DHX57: variants seen among roughly 807,000 people sequenced by gnomAD.
DHX57 encodes the protein DExH-box helicase 57, also known as putative ATP-dependent RNA helicase DHX57.
DHX57 carries 105 observed loss-of-function variants against 156.2 expected under a neutral mutation model. The observed-to-expected ratio is 0.67, with a 90% CI of 0.57 to 0.79. The LOEUF (loss-of-function observed/expected upper bound fraction) is 0.79. DHX57 is among the 30% of genes least tolerant of loss of function. The pLI, the probability that DHX57 is intolerant of heterozygous loss-of-function variation, is 0.00. For missense variants in DHX57, 1,847 were observed against 1,661.9 expected (o/e 1.11, Z -1.94); for synonymous variants, 704 against 595.6 (o/e 1.18, Z -2.65).
chr2:38,864,010 T>TAA (rs1026801519), intron 2 of DHX57, among the ~76,000 whole-genome samples: 4 of 144,062 alleles, frequency 2.8e-5, no homozygotes, highest in Admixed American at 6.9e-5. Flanking sequence ...AGATTCCGTT[T>TAA]AAAAAAAAAA....
chr2:38,803,508 A>G (rs1186566107), intron 22 of DHX57, among the ~76,000 whole-genome samples: 1 of 149,476 alleles, frequency 6.7e-6, no homozygotes, highest in African/African-American at 2.5e-5. Flanking sequence ...TTTTTTTGAG[A>G]CAGAGTTTTG....
intron 1 of DHX57, among the ~76,000 whole-genome samples, chr2:38,871,855 C>G (rs893133267): frequency 7.9e-5 from 12 of 151,926 alleles, no homozygotes; most frequent in African/African-American, 2.7e-4. Context: ...TACAGGTGAC[C>G]GCCGCCGGCT....
intron 5 of DHX57, among the ~76,000 whole-genome samples, chr2:38,860,222 G>A (rs1171554647): frequency 6.6e-6 from 1 of 152,128 alleles, no homozygotes; most frequent in Non-Finnish European, 1.5e-5. Context: ...GGCCAAGGCA[G>A]GCGGATCACC....
At chr2:38,840,574 A>T (rs1289084871) in intron 12 of DHX57, among the ~76,000 whole-genome samples, 1 of 150,270 alleles carries the variant, frequency 6.7e-6, no homozygotes, top group Non-Finnish European at 1.5e-5. Flanking sequence ...TGTTTTTTTT[A>T]AAACAAACAA....
At chr2:38,798,556 A>G (rs1669503646) in intron 23 of DHX57, 114 bp from the exon 24 acceptor site, 2 of 1,248,584 alleles carry the variant, frequency 1.6e-6, no homozygotes, top group South Asian at 3.3e-5. Flanking sequence ...ACTAATTTTA[A>G]CTCCATTAGG....
chr2:38,850,155 T>G (rs921634197), intron 9 of DHX57, among the ~76,000 whole-genome samples: 2 of 152,182 alleles, frequency 1.3e-5, no homozygotes, highest in Admixed American at 6.5e-5. Context: ...AAAACAAAAG[T>G]AACTATTTCT....
intron 13 of DHX57, among the ~76,000 whole-genome samples, chr2:38,830,194 A>T (rs949114296): frequency 1.1e-4 from 17 of 152,250 alleles, no homozygotes; most frequent in Non-Finnish European, 2.5e-4. Flanking sequence ...CCACTAAATA[A>T]ATGAGGAATC....
At chr2:38,802,613 T>C in intron 23 of DHX57, 102 bp downstream of exon 23, 3 of 1,410,000 alleles carry the variant, frequency 2.1e-6, no homozygotes, top group Non-Finnish European at 2.9e-6. Context: ...TAATTAGCTC[T>C]GTTACCTTGG....
intron 10 of DHX57, among the ~76,000 whole-genome samples, 179 bp downstream of exon 10, chr2:38,848,090 A>G (rs1018675571): frequency 6.6e-6 from 1 of 152,134 alleles, no homozygotes; most frequent in African/African-American, 2.4e-5. Flanking sequence ...CTCAAAAAAA[A>G]AAATCTCCCA....
intron 5 of DHX57, 119 bp from the exon 6 acceptor site, chr2:38,858,955 T>C (rs891971687): frequency 2.0e-6 from 2 of 979,842 alleles, no homozygotes; most frequent in African/African-American, 1.7e-5. Flanking sequence ...AGTGAAAACT[T>C]GAATAAAGTA....
intron 6 of DHX57, among the ~76,000 whole-genome samples, chr2:38,857,375 GC>G (rs1672954550): frequency 6.6e-6 from 1 of 152,088 alleles, no homozygotes; most frequent in South Asian, 2.1e-4. Flanking sequence ...TATAAAAATT[GC>G]CTTGTTTGTT....
At chr2:38,859,305 CTATG>C (rs1169425656) in intron 5 of DHX57, among the ~76,000 whole-genome samples, 4 of 152,114 alleles carry the variant, frequency 2.6e-5, no homozygotes, top group Non-Finnish European at 5.9e-5. Context: ...AATTCCATTT[CTATG>C]AAATGTCCAG....
chr2:38,871,387 T>C (rs1280012127), intron 1 of DHX57, among the ~76,000 whole-genome samples: 1 of 152,148 alleles, frequency 6.6e-6, no homozygotes, highest in Non-Finnish European at 1.5e-5. Context: ...GTAATACTTG[T>C]AACAAGTATA....
chr2:38,802,861 G>A lies in DHX57; in HGVS notation c.3871C>T (p.Arg1291Ter), dbSNP rs1196446034. 6.2e-7 allele frequency: 1 copy of A among 1,614,012 alleles called. No homozygotes were observed. The highest frequency in any genetic ancestry group is 8.5e-7 in the Non-Finnish European group (1 of 1,180,014). The change falls in exon 23 of 24, where the codon CGA becomes TGA. Residue 1291 changes from arginine to a stop codon, truncating the protein, a stop_gained. Coordinates refer to ENST00000457308, the MANE Select transcript of DHX57 (RefSeq NM_198963.3). LOFTEE classifies it high-confidence loss of function. Reference sequence around the variant, plus strand: ...ATGCTGCAGTCTCGGATGAATACTCGACTAGTTTTTATCTTCTCGTGGTAC... The same window carrying A: ...ATGCTGCAGTCTCGGATGAATACTCAACTAGTTTTTATCTTCTCGTGGTAC... ...LLYHEKIKTSRVFIRDCSMVS... is the reference protein window; with the variant it reads ...LLYHEKIKTS
chr2:38,862,427 C>A, intron 3 of DHX57, 94 bp from the exon 4 acceptor site: 1 of 1,196,034 alleles, frequency 8.4e-7, no homozygotes, highest in East Asian at 2.7e-5. Context: ...TTCATAGGAT[C>A]CTGACTACTC....
intron 7 of DHX57, 150 bp downstream of exon 7, chr2:38,856,190 G>C (rs922645171): frequency 3.8e-6 from 4 of 1,060,464 alleles, no homozygotes; most frequent in Non-Finnish European, 5.2e-6. Context: ...AAAGTCTTCA[G>C]CTGGATTTTT....
rs138650701 is a variant in DHX57, at chr2:38,862,769, C to T, written c.384-436G>A. On this transcript the variant is annotated intron_variant, in intron 3 of 23. Coordinates refer to ENST00000457308, the MANE Select transcript of DHX57 (RefSeq NM_198963.3). ...TCTTCTCATTCATAAAAACACTATCCCTAATTGTTTGTTTTGCTACATAAT... is the reference window on the plus strand; with the variant it reads ...TCTTCTCATTCATAAAAACACTATCTCTAATTGTTTGTTTTGCTACATAAT... The T allele has an allele frequency of 2.7e-3, 425 of 155,344 alleles. 3 individuals are homozygous for T. The highest frequency in any genetic ancestry group is 0.01 in the Middle Eastern group (3 of 294). The allele number at this position is 155,344 out of a possible 1,614,324, so 9.6% of individuals were successfully genotyped here.
intron 9 of DHX57, among the ~76,000 whole-genome samples, chr2:38,850,741 A>T (rs532972533): frequency 6.6e-6 from 1 of 152,252 alleles, no homozygotes; most frequent in East Asian, 1.9e-4. Flanking sequence ...AATTTATGGT[A>T]TATCCAGACT....
chr2:38,814,110 G>C (rs1174670962), intron 20 of DHX57, among the ~76,000 whole-genome samples: 2 of 151,992 alleles, frequency 1.3e-5, no homozygotes, highest in Non-Finnish European at 2.9e-5. Flanking sequence ...GTTAATTTTT[G>C]TATTTTTAGT....
Sources: allele counts gnomAD v4.1 joint callset (sites outside exome capture counted in the v4.1 genomes callset), GRCh38; gene constraint gnomAD v4.1.1; transcripts MANE v1.5; gene names NCBI Gene and HGNC (gene_info 2026-07-23, HGNC 2026-07-21).